LARGE1: variants seen among roughly 807,000 people sequenced by gnomAD.
The protein encoded by LARGE1 is LARGE xylosyl- and glucuronyltransferase 1, also known as xylosyl- and glucuronyltransferase LARGE1.
LARGE1 carries 43 observed loss-of-function variants against 87.6 expected under a neutral mutation model. The ratio of observed to expected loss-of-function variants is 0.49; its 90% CI spans 0.38 to 0.63. LARGE1 has a LOEUF of 0.63. Among genes scored for constraint, LARGE1 ranks in the 30% least tolerant of loss-of-function variants. The pLI is 0.00. For missense variants in LARGE1, 802 were observed against 1,000.2 expected (o/e 0.80, Z 2.67); for synonymous variants, 434 against 394.6 (o/e 1.10, Z -1.18).
Position 33,799,316 on chromosome 22 carries a change from C to T in LARGE1, c.-82-37758G>A, listed in dbSNP as rs116102292. Among the ~76,000 whole-genome samples the T allele has an allele frequency of 8.5e-3, 1,286 of 152,116 alleles. 15 individuals carry two copies. Among genetic ancestry groups the T allele is most frequent in the African/African-American group, 0.03 (1,236 of 41,512 alleles). The stretch of plus-strand genomic sequence containing the variant: ...ATCAGTTAAGCAGCATTTCTGGAGC[C>T]GGGCTATGACCAGGCACTGCTGCTG... On this transcript the variant is annotated intron_variant, in intron 1 of 14. Coordinates refer to ENST00000397394, the MANE Select transcript of LARGE1 (RefSeq NM_133642.5).
At chr22:33,536,022 T>C (rs73882247) in intron 6 of LARGE1, among the ~76,000 whole-genome samples, 2,580 of 152,318 alleles carry the variant, frequency 0.017, 69 homozygotes, top group African/African-American at 0.056. Context: ...AAAGTCCGCA[T>C]GGTCACTTAA....
chr22:33,807,684 C>T (rs2086356125), intron 1 of LARGE1, among the ~76,000 whole-genome samples: 1 of 152,232 alleles, frequency 6.6e-6, no homozygotes, highest in Admixed American at 6.5e-5. Flanking sequence ...TTCCCAACCC[C>T]TGGCAACCAC....
At chr22:33,447,144 T>G (rs1185198096) in intron 6 of LARGE1, among the ~76,000 whole-genome samples, 2 of 152,214 alleles carry the variant, frequency 1.3e-5, no homozygotes, top group Non-Finnish European at 2.9e-5. Context: ...TCCACCCGTC[T>G]TGGCCTCCCA....
intron 1 of LARGE1, among the ~76,000 whole-genome samples, chr22:33,883,677 A>G (rs768031055): frequency 3.9e-5 from 6 of 152,238 alleles, no homozygotes; most frequent in Non-Finnish European, 7.3e-5. Context: ...ATTAGCAATT[A>G]AGAAATGGCC....
At chr22:33,320,777 T>C (rs936499143) in intron 10 of LARGE1, 2 of 152,270 alleles carry the variant, frequency 1.3e-5, no homozygotes, top group Non-Finnish European at 2.9e-5. Context: ...TGAAAAGCTT[T>C]TGGAGAGCAA....
rs536622650 is a variant in LARGE1, at chr22:33,764,368, A to G, written c.-82-2810T>C. 6.5e-3 allele frequency among the ~76,000 whole-genome samples: 988 copies of G among 152,316 alleles called. 9 individuals are homozygous for G. Among genetic ancestry groups the G allele is most frequent in the African/African-American group, 0.023 (953 of 41,566 alleles). The stretch of plus-strand genomic sequence containing the variant: ...AGATACCAAAATCCACAGATGGCTC[A>G]AGTCCCTCATACAAATGGGCATAGT... On this transcript the variant is annotated intron_variant, in intron 1 of 14. Transcript: ENST00000397394.
intron 6 of LARGE1, among the ~76,000 whole-genome samples, chr22:33,471,168 AG>A (rs2068826703): frequency 1.3e-5 from 2 of 151,744 alleles, no homozygotes; most frequent in African/African-American, 4.8e-5. Context: ...GCTGGGGTTA[AG>A]GGCACACACT....
intron 13 of LARGE1, among the ~76,000 whole-genome samples, chr22:33,277,918 A>T (rs796177724): frequency 3.3e-4 from 51 of 152,314 alleles, no homozygotes; most frequent in African/African-American, 1.2e-3. Context: ...GATTGCTGCC[A>T]GACTGTGGTA....
intron 6 of LARGE1, among the ~76,000 whole-genome samples, chr22:33,551,708 C>T (rs2077525535): frequency 6.6e-6 from 1 of 152,170 alleles, no homozygotes; most frequent in Admixed American, 6.5e-5. Flanking sequence ...CCCTCTTTGT[C>T]CAGAATGTCC....
chr22:33,658,919 T>C (rs1375765486), intron 2 of LARGE1, among the ~76,000 whole-genome samples: 1 of 152,198 alleles, frequency 6.6e-6, no homozygotes, highest in African/African-American at 2.4e-5. Flanking sequence ...TTGCCACACT[T>C]AATTATAGTA....
intron 11 of LARGE1, among the ~76,000 whole-genome samples, chr22:33,212,336 A>G (rs1925004679): frequency 6.6e-6 from 1 of 152,228 alleles, no homozygotes; most frequent in Non-Finnish European, 1.5e-5. Flanking sequence ...TGCCATATCT[A>G]TTCTGTCTGT....
intron 1 of LARGE1, among the ~76,000 whole-genome samples, chr22:33,781,568 G>A (rs996983745): frequency 2.0e-4 from 30 of 152,298 alleles, no homozygotes; most frequent in African/African-American, 7.2e-4. Flanking sequence ...GCAGACAGCA[G>A]AAGCCCCATC....
intron 4 of LARGE1, among the ~76,000 whole-genome samples, chr22:33,609,660 T>G (rs894517846): frequency 1.3e-5 from 2 of 152,118 alleles, no homozygotes; most frequent in Admixed American, 6.5e-5. Flanking sequence ...TACTGAGGGC[T>G]GATTTTTCCC....
At chr22:33,104,501 G>A in the LARGE1 span, among the ~76,000 whole-genome samples, 3 of 152,218 alleles carry the variant, frequency 2.0e-5, no homozygotes, top group African/African-American at 4.8e-5. Flanking sequence ...GGGTACATGC[G>A]AGTGACAATG....
intron 1 of LARGE1, among the ~76,000 whole-genome samples, chr22:33,825,925 A>T (rs1601709292): frequency 6.6e-6 from 1 of 151,836 alleles, no homozygotes; most frequent in African/African-American, 2.4e-5. Flanking sequence ...GGAGACAGAA[A>T]CTGCCACTCT....
chr22:33,531,867 G>A (rs1014748231), intron 6 of LARGE1, among the ~76,000 whole-genome samples: 2 of 152,228 alleles, frequency 1.3e-5, no homozygotes, highest in Non-Finnish European at 2.9e-5. Flanking sequence ...TGCTCAGGCT[G>A]CCCGGAACAA....
chr22:33,810,922 C>T (rs2086474891), intron 1 of LARGE1, among the ~76,000 whole-genome samples: 1 of 152,128 alleles, frequency 6.6e-6, no homozygotes, highest in Non-Finnish European at 1.5e-5. Context: ...CGGGGTTTCA[C>T]CATGTTGGCC....
rs145186582 is a variant in LARGE1, at chr22:33,664,254, C to T, written c.107-13586G>A. 1.1e-4 allele frequency among the ~76,000 whole-genome samples: 17 copies of T among 152,338 alleles called. No individual in the cohort carries two copies. In the East Asian group the frequency reaches 3.3e-3, roughly 29 times the overall value. ...CTTTCATGTCCCCACATCCAAACCA[C>T]AGCCTTGGATTTCCACCTCCAAAAC... On this transcript the variant is annotated intron_variant, in intron 2 of 14. Coordinates refer to ENST00000397394, the MANE Select transcript of LARGE1 (RefSeq NM_133642.5).
intron 7 of LARGE1, among the ~76,000 whole-genome samples, chr22:33,392,646 G>A (rs765509437): frequency 3.3e-5 from 5 of 151,916 alleles, no homozygotes; most frequent in Non-Finnish European, 4.4e-5. Context: ...GCAACACAGC[G>A]AGACTCTGTC....
Sources: gnomAD v4.1 joint callset for allele counts (sites outside exome capture counted in the v4.1 genomes callset) on GRCh38, gnomAD v4.1.1 for gene constraint, MANE v1.5 for transcripts, NCBI Gene and HGNC (gene_info 2026-07-23, HGNC 2026-07-21) for gene names.